CNGB3: variants seen among roughly 807,000 people sequenced by gnomAD.
CNGB3 encodes the protein cyclic nucleotide-gated channel beta-3.
A neutral mutation model predicts 92.8 loss-of-function variants in CNGB3; 86 were observed. The observed-to-expected ratio is 0.93, with a 90% confidence interval of 0.78 to 1.11. CNGB3 has a LOEUF of 1.11. Ranked by LOEUF, CNGB3 falls within the 50% of genes least tolerant of loss-of-function variation. The pLI is 0.00. For missense variants in CNGB3, 1,026 were observed against 956.8 expected, an observed-to-expected ratio of 1.07 and a Z score of -0.95; for synonymous variants, 333 against 332.7, an observed-to-expected ratio of 1.00 and a Z score of -0.01.
intron 4 of CNGB3, among the ~76,000 whole-genome samples, chr8:86,670,226 T>G (rs1042067859): frequency 2.0e-5 from 3 of 152,228 alleles, no homozygotes; most frequent in Non-Finnish European, 4.4e-5. Flanking sequence ...ATTGGTTTGT[T>G]GATGTCCTTT....
chr8:86,727,143 A>G (rs1407755442), intron 2 of CNGB3, among the ~76,000 whole-genome samples: 1 of 152,142 alleles, frequency 6.6e-6, no homozygotes, highest in Non-Finnish European at 1.5e-5. Context: ...ATCTTATGAG[A>G]CTACCCTCTT....
At chr8:86,727,732 C>T (rs1338002077) in intron 2 of CNGB3, among the ~76,000 whole-genome samples, 1 of 152,084 alleles carries the variant, frequency 6.6e-6, no homozygotes, top group Non-Finnish European at 1.5e-5. Flanking sequence ...TCATTTTCCA[C>T]AGCTTCTAAC....
intron 7 of CNGB3, among the ~76,000 whole-genome samples, chr8:86,650,930 T>C (rs1823390220): frequency 6.6e-6 from 1 of 151,692 alleles, no homozygotes; most frequent in Non-Finnish European, 1.5e-5. Flanking sequence ...CATTGACCAA[T>C]GAGTGGATAA....
chr8:86,685,582 T>A (rs1824170642), intron 3 of CNGB3, among the ~76,000 whole-genome samples: 1 of 152,164 alleles, frequency 6.6e-6, no homozygotes, highest in African/African-American at 2.4e-5. Context: ...TAGCTGTGTC[T>A]ATATCACTAA....
In CNGB3 at chr8:86,638,450, G is replaced by T. The variant is rs187995118; in HGVS notation, c.1178+5301C>A. ...TTTCAGCCATTGTGGTAAATCTGTA[G>T]TGGGACATGCAATTTTTAAAAGTAC... is the stretch of plus-strand genomic sequence containing the variant. On this transcript the variant is annotated intron_variant, in intron 10 of 17. Coordinates refer to ENST00000320005, the MANE Select transcript of CNGB3 (RefSeq NM_019098.5). Among the ~76,000 whole-genome samples, 288 of 152,212 alleles carry T rather than the reference G, an allele frequency of 1.9e-3. 2 individuals carry two copies. Among genetic ancestry groups the T allele is most frequent in the African/African-American group, 6.5e-3 (271 of 41,556 alleles).
chr8:86,593,498 T>G (rs1822100052), intron 15 of CNGB3, among the ~76,000 whole-genome samples: 1 of 152,230 alleles, frequency 6.6e-6, no homozygotes. Flanking sequence ...GTAAATCCCT[T>G]TATTTTCCTA....
intron 1 of CNGB3, 39 bp downstream of exon 1, chr8:86,743,460 A>G: frequency 6.2e-7 from 1 of 1,612,956 alleles, no homozygotes; most frequent in Non-Finnish European, 8.5e-7. Flanking sequence ...ATAAGAAATG[A>G]TGAAAATCAA....
intron 1 of CNGB3, among the ~76,000 whole-genome samples, chr8:86,742,477 A>G (rs1294533443): frequency 6.6e-6 from 1 of 152,150 alleles, no homozygotes; most frequent in Non-Finnish European, 1.5e-5. Flanking sequence ...GCCCATGTTA[A>G]ATAGTCTCAG....
intron 3 of CNGB3, among the ~76,000 whole-genome samples, chr8:86,703,455 C>T (rs944671156): frequency 2.6e-5 from 4 of 152,176 alleles, no homozygotes; most frequent in Non-Finnish European, 5.9e-5. Context: ...TTTCCGTCTA[C>T]CCCTTAGCCA....
chr8:86,630,526 T>C (rs780144400), intron 11 of CNGB3, among the ~76,000 whole-genome samples: 17 of 152,028 alleles, frequency 1.1e-4, no homozygotes, highest in Admixed American at 3.9e-4. Context: ...GGAAGAAAAA[T>C]GTCAGTTTCT....
intron 15 of CNGB3, among the ~76,000 whole-genome samples, chr8:86,583,563 A>C (rs1043427487): frequency 1.3e-5 from 2 of 152,194 alleles, no homozygotes; most frequent in African/African-American, 4.8e-5. Context: ...TCATGGCTTC[A>C]AACTTGGCCA....
At chr8:86,626,186 C>T (rs1010118219) in intron 12 of CNGB3, 106 bp from the exon 13 acceptor site, 3 of 794,354 alleles carry the variant, frequency 3.8e-6, no homozygotes, top group Admixed American at 2.0e-5. Flanking sequence ...AAAATGCAAA[C>T]ACTTTTTATA....
At chr8:86,671,958 T>C (rs1236915254) in intron 3 of CNGB3, among the ~76,000 whole-genome samples, 1 of 152,110 alleles carries the variant, frequency 6.6e-6, no homozygotes, top group Non-Finnish European at 1.5e-5. Context: ...AGCTGGGTGG[T>C]TTTTAATTTA....
intron 14 of CNGB3, among the ~76,000 whole-genome samples, chr8:86,606,386 T>C (rs1317691441): frequency 1.3e-5 from 2 of 152,014 alleles, no homozygotes; most frequent in South Asian, 2.1e-4. Flanking sequence ...CCTGGACTTA[T>C]GTGATCCTGC....
intron 15 of CNGB3, among the ~76,000 whole-genome samples, chr8:86,585,818 C>G (rs1450543232): frequency 6.6e-6 from 1 of 151,994 alleles, no homozygotes; most frequent in Non-Finnish European, 1.5e-5. Flanking sequence ...TAATAGAGCC[C>G]CCAGTAAAGG....
chr8:86,625,999 T>G lies in CNGB3; in HGVS notation c.1562A>C (p.Lys521Thr), dbSNP rs1338768887. Residue 521 changes from lysine to threonine, a missense_variant, in exon 13 of 18, where the codon AAA becomes ACA. Coordinates refer to ENST00000320005, the MANE Select transcript of CNGB3 (RefSeq NM_019098.5). ...AIDVNFSIIS[K>T]VDLFKGCDTQ... ...AGCACTTGCCTTGAACAAGTCGACT[T>G]TGCTGATGATGCTGAAGTTCACATC... The G allele has an allele frequency of 1.2e-6, 2 of 1,613,698 alleles. No individual in the cohort carries two copies. The highest frequency in any genetic ancestry group is 2.2e-5 in the South Asian group (2 of 91,050).
intron 3 of CNGB3, among the ~76,000 whole-genome samples, chr8:86,686,352 G>A (rs1320394488): frequency 6.6e-6 from 1 of 152,026 alleles, no homozygotes; most frequent in Non-Finnish European, 1.5e-5. Context: ...GTACAGATCT[G>A]GGATGTGCAT....
At chr8:86,578,969 C>T (rs1821710852) in intron 16 of CNGB3, 106 bp from the exon 17 acceptor site, 4 of 1,526,046 alleles carry the variant, frequency 2.6e-6, no homozygotes, top group African/African-American at 1.4e-5. Flanking sequence ...TCAATGGGTA[C>T]CTACATTAAT....
intron 7 of CNGB3, among the ~76,000 whole-genome samples, chr8:86,651,100 C>T (rs1401351597): frequency 6.6e-6 from 1 of 151,344 alleles, no homozygotes; most frequent in Non-Finnish European, 1.5e-5. Flanking sequence ...TAAGTGGGAG[C>T]TAAGCTCTGA....
Sources: gnomAD v4.1 joint callset for allele counts (sites outside exome capture counted in the v4.1 genomes callset) on GRCh38, gnomAD v4.1.1 for gene constraint, MANE v1.5 for transcripts, NCBI Gene and HGNC (gene_info 2026-07-23, HGNC 2026-07-21) for gene names.